The following PCDHA6 variants were observed in gnomAD, a reference collection of about 807,000 sequenced individuals.
PCDHA6 encodes the protein protocadherin alpha 6.
In PCDHA6, 55 loss-of-function variants were observed where a neutral mutation model predicts 60.3. The observed-to-expected ratio is 0.91, with a 90% confidence interval of 0.73 to 1.14. The LOEUF is 1.14. Among genes scored for constraint, PCDHA6 ranks in the 50% most tolerant of loss-of-function variants. The pLI is 0.00. For missense variants in PCDHA6, 1,327 were observed against 1,256.5 expected, an observed-to-expected ratio of 1.06 and a Z score of -0.85; for synonymous variants, 652 against 557.9, an observed-to-expected ratio of 1.17 and a Z score of -2.38.
At chr5:140,870,885 C>T (rs782085408) in intron 1 of PCDHA6, 13 of 1,613,918 alleles carry the variant, frequency 8.1e-6, no homozygotes, top group African/African-American at 1.3e-5. Flanking sequence ...CGAAGGTGCG[C>T]GCAGTGGATG....
Position 140,828,799 on chromosome 5 carries a change from T to C in PCDHA6, c.708T>C (p.Asn236=), listed in dbSNP as rs112419059. 8.7e-3 allele frequency: 14,110 copies of C among 1,614,220 alleles called. 76 individuals carry two copies. The highest frequency in any genetic ancestry group is 0.011 in the Non-Finnish European group (12,596 of 1,180,026). ...TGCTGGTCACAGTGCTGGATGTGAATGATAATGCTCCCACTTTCGAACAGT... is the reference window on the plus strand; with the variant it reads ...TGCTGGTCACAGTGCTGGATGTGAACGATAATGCTCCCACTTTCGAACAGT... ...VQLLVTVLDV[N]DNAPTFEQSE... is the part of the protein sequence containing the mutation. The change falls in exon 1 of 4, where the codon AAT becomes AAC. Residue 236 remains asparagine, a synonymous_variant. Coordinates refer to ENST00000529310, the MANE Select transcript of PCDHA6 (RefSeq NM_018909.4).
chr5:140,982,612 C>T, intron 3 of PCDHA6, 49 bp downstream of exon 3: 2 of 1,599,360 alleles, frequency 1.3e-6, no homozygotes, highest in Non-Finnish European at 1.7e-6. Context: ...GGAAAGTGAT[C>T]AGATGACCTA....
chr5:140,848,569 T>C lies in PCDHA6; in HGVS notation c.2394+18084T>C, dbSNP rs1382719331. On this transcript the variant is annotated intron_variant, in intron 1 of 3. Coordinates refer to ENST00000529310, the MANE Select transcript of PCDHA6 (RefSeq NM_018909.4). ...TCGCTTCTGATCCTCGCAATGTGGG[T>C]GGTGGGGAGCGGCCAGCTCCACTAC... 5.0e-6 allele frequency: 8 copies of C among 1,595,090 alleles called. 2 individuals carry two copies. The highest frequency in any genetic ancestry group is 6.9e-6 in the Non-Finnish European group (8 of 1,165,390).
chr5:140,926,592 C>A, intron 1 of PCDHA6: 1 of 298,858 alleles, frequency 3.3e-6, no homozygotes, highest in Non-Finnish European at 6.1e-6. Context: ...CGCGCCCGGG[C>A]GGGCGGCCTC....
chr5:140,876,273 C>T, intron 1 of PCDHA6: 1 of 1,613,982 alleles, frequency 6.2e-7, no homozygotes, highest in South Asian at 1.1e-5. Context: ...TAAATGCTTC[C>T]GATCCAGACG....
intron 1 of PCDHA6, among the ~76,000 whole-genome samples, chr5:140,933,345 A>G (rs1257404732): frequency 6.6e-6 from 1 of 151,960 alleles, no homozygotes; most frequent in Non-Finnish European, 1.5e-5. Flanking sequence ...AAAGATAAAC[A>G]CTTTATTTCT....
intron 1 of PCDHA6, among the ~76,000 whole-genome samples, chr5:140,912,293 C>T (rs1231004722): frequency 6.6e-6 from 1 of 152,110 alleles, no homozygotes; most frequent in Admixed American, 6.6e-5. Flanking sequence ...AATACTTTGC[C>T]TCCTGTAATC....
Position 140,941,209 on chromosome 5 carries a change from T to TCCTTTCTTTCTTTC in PCDHA6, c.2395-37740_2395-37739insCCTTTCTTTCTTTC, listed in dbSNP as rs59604197. 5.4e-4 allele frequency among the ~76,000 whole-genome samples: 69 copies of TCCTTTCTTTCTTTC among 126,992 alleles called. 1 individual carries two copies. Among genetic ancestry groups the TCCTTTCTTTCTTTC allele is most frequent in the African/African-American group, 2.2e-3 (68 of 31,202 alleles). The allele number at this position is 126,992 out of a possible 152,430, so 83.3% of individuals were successfully genotyped here. On this transcript the variant is annotated intron_variant, in intron 1 of 3. Coordinates refer to ENST00000529310, the MANE Select transcript of PCDHA6 (RefSeq NM_018909.4). ...TCTTTTTTTTTCTTTCTTCCTTTCT[T>TCCTTTCTTTCTTTC]TCTTCCTTTCTTTCTTTCTTTCTTT...
chr5:140,883,731 C>A, intron 1 of PCDHA6: 1 of 1,613,446 alleles, frequency 6.2e-7, no homozygotes, highest in Non-Finnish European at 8.5e-7. Flanking sequence ...CAGGAGAACG[C>A]GCTGGTCTCC....
intron 3 of PCDHA6, among the ~76,000 whole-genome samples, chr5:140,999,635 A>C (rs2097866612): frequency 6.6e-6 from 1 of 152,192 alleles, no homozygotes; most frequent in Non-Finnish European, 1.5e-5. Flanking sequence ...AAGGTAGAGA[A>C]AACTGTGCAG....
chr5:140,853,402 A>C, intron 1 of PCDHA6: 1 of 986,360 alleles, frequency 1.0e-6, no homozygotes, highest in Non-Finnish European at 1.2e-6. Context: ...CAAGTTCAAA[A>C]CAGAGAGGTG....
At chr5:140,902,400 C>T (rs2069421777) in intron 1 of PCDHA6, among the ~76,000 whole-genome samples, 1 of 151,930 alleles carries the variant, frequency 6.6e-6, no homozygotes, top group South Asian at 2.1e-4. Flanking sequence ...ATGTTGAATA[C>T]TATGTTGAAT....
At chr5:140,851,204 A>T in intron 1 of PCDHA6, 2 of 1,181,712 alleles carry the variant, frequency 1.7e-6, no homozygotes, top group Non-Finnish European at 2.2e-6. Context: ...TTAGTCATTC[A>T]TTAAACATTA....
At chr5:140,851,138 G>T in intron 1 of PCDHA6, 2 of 1,312,402 alleles carry the variant, frequency 1.5e-6, no homozygotes, top group Non-Finnish European at 2.0e-6. Context: ...TGTGATTAAA[G>T]TGACATTGAA....
At chr5:140,876,101 T>C (rs2056113076) in intron 1 of PCDHA6, 1 of 1,613,984 alleles carries the variant, frequency 6.2e-7, no homozygotes, top group East Asian at 2.2e-5. Flanking sequence ...AAACTCAATT[T>C]ATTGCTGATG....
In PCDHA6 at chr5:141,010,888, T is replaced by C. The variant is rs1419215366; in HGVS notation, c.*951T>C. The stretch of plus-strand genomic sequence containing the variant: ...AGCTATAAATCTTTAAAGAGAAATA[T>C]GAATACAATTCCCCTAAACTCTCCT... On this transcript the variant is annotated 3_prime_UTR_variant, in exon 4 of 4. Transcript: ENST00000529310. The C allele has an allele frequency of 3.9e-5, 6 of 153,866 alleles. 1 individual carries two copies. The highest frequency in any genetic ancestry group is 1.4e-4 in the African/African-American group (6 of 41,562). The allele number at this position is 153,866 out of a possible 1,614,324, so 9.5% of individuals were successfully genotyped here. A position where few individuals can be genotyped will look rare whatever the true frequency, so the allele number is the denominator to read the frequency against.
intron 3 of PCDHA6, among the ~76,000 whole-genome samples, chr5:141,008,297 A>G (rs2098368469): frequency 6.6e-6 from 1 of 152,178 alleles, no homozygotes; most frequent in South Asian, 2.1e-4. Context: ...GTTGTACCCA[A>G]CCCTAAACTG....
At position 141,010,023 on chromosome 5, in the gene PCDHA6, C is replaced by T. The variant is rs1196328903; in HGVS notation, c.*86C>T. Reference sequence around the variant, plus strand: ...TGTAGCAATTCCCTGCTCCTTTTTCCTATCTACATGAGCCCTCTTAGAGAC... The same window carrying T: ...TGTAGCAATTCCCTGCTCCTTTTTCTTATCTACATGAGCCCTCTTAGAGAC... On this transcript the variant is annotated 3_prime_UTR_variant, in exon 4 of 4. Transcript: ENST00000529310. 10 of 1,571,304 alleles carry T rather than the reference C, an allele frequency of 6.4e-6. No homozygotes were observed. Among genetic ancestry groups the T allele is most frequent in the Non-Finnish European group, 8.6e-6 (10 of 1,163,016 alleles).
At chr5:140,904,116 T>C (rs1233566335) in intron 1 of PCDHA6, among the ~76,000 whole-genome samples, 3 of 152,180 alleles carry the variant, frequency 2.0e-5, no homozygotes, top group African/African-American at 7.2e-5. Context: ...TTGCTGAGAT[T>C]TTGGTGCACC....
Sources: gnomAD v4.1 joint callset for allele counts (sites outside exome capture counted in the v4.1 genomes callset) on GRCh38, gnomAD v4.1.1 for gene constraint, MANE v1.5 for transcripts, NCBI Gene and HGNC (gene_info 2026-07-23, HGNC 2026-07-21) for gene names.